AXIN1: variants seen among roughly 807,000 people sequenced by gnomAD.
AXIN1 encodes axin 1, also known as axin-1.
AXIN1 carries 30 observed loss-of-function variants against 76.4 expected under a neutral mutation model. That is an observed-to-expected ratio of 0.39 (90% confidence interval 0.29 to 0.53). The LOEUF (loss-of-function observed/expected upper bound fraction) is 0.53, where lower values mean the gene tolerates loss of function less well. Ranked by LOEUF, AXIN1 falls within the 20% of genes least tolerant of loss-of-function variation. AXIN1 has a pLI of 0.66. For missense variants in AXIN1, 1,140 were observed against 1,198.8 expected (o/e 0.95, Z 0.72); for synonymous variants, 545 against 501.4 (o/e 1.09, Z -1.16).
Position 309,990 on chromosome 16 carries a change from G to T in AXIN1, c.1099C>A (p.Pro367Thr), listed in dbSNP as rs1270638503. ...QESVQVNGRV[P>T]LPHIPRTYRV... Reference sequence around the variant, plus strand: ...GTACTTACGGGAATGTGAGGTAGGGGCACCCGCCCATTGACCTGCACGCTC... The same window carrying T: ...GTACTTACGGGAATGTGAGGTAGGGTCACCCGCCCATTGACCTGCACGCTC... Residue 367 changes from proline (P) to threonine (T), a missense_variant, in exon 4 of 11, where the codon CCC becomes ACC. Physicochemically the swap from Pro to Thr is conservative, Grantham distance 38. Coordinates refer to ENST00000262320, the MANE Select transcript of AXIN1 (RefSeq NM_003502.4). The T allele has an allele frequency of 1.2e-6, 2 of 1,613,354 alleles. No homozygotes were observed. The highest frequency in any genetic ancestry group is 1.7e-6 in the Non-Finnish European group (2 of 1,179,996).
At chr16:328,009 G>A (rs1351419442) in intron 2 of AXIN1, among the ~76,000 whole-genome samples, 1 of 152,226 alleles carries the variant, frequency 6.6e-6, no homozygotes, top group African/African-American at 2.4e-5. Context: ...AGCACTGTAG[G>A]AGGCTGAGGC....
chr16:320,446 G>C (rs1004241039), intron 2 of AXIN1, among the ~76,000 whole-genome samples: 1 of 151,968 alleles, frequency 6.6e-6, no homozygotes, highest in East Asian at 1.9e-4. Context: ...ACATAGGGGC[G>C]GATAAAATCT....
chr16:291,405 G>T lies in AXIN1; in HGVS notation c.2187-108C>A, dbSNP rs774622347. The T allele has an allele frequency of 2.5e-5, 23 of 930,910 alleles. 1 individual carries two copies. The highest frequency in any genetic ancestry group is 2.2e-5 in the Non-Finnish European group (13 of 596,400). 57.7% of individuals were successfully genotyped at this position (930,910 alleles called of 1,614,324 possible). ...GGGACGGACGGAGCGTGAAGGGCCC[G>T]AACAACCCACCCTGCGCAGGCTCCA... On this transcript the variant is annotated intron_variant, in intron 8 of 10. Transcript: ENST00000262320.
At chr16:315,865 C>A (rs2053290612) in intron 2 of AXIN1, among the ~76,000 whole-genome samples, 1 of 146,718 alleles carries the variant, frequency 6.8e-6, no homozygotes, top group Non-Finnish European at 1.5e-5. Flanking sequence ...ACAGCCTGAC[C>A]AACATGGTGA....
At chr16:307,055 G>A (rs534163986) in intron 4 of AXIN1, among the ~76,000 whole-genome samples, 188 of 152,384 alleles carry the variant, frequency 1.2e-3, no homozygotes, top group Non-Finnish European at 1.9e-3. Flanking sequence ...CGTGGGAGTG[G>A]CACACACAGG....
At chr16:332,211 A>C (rs1315996552) in intron 2 of AXIN1, among the ~76,000 whole-genome samples, 1 of 152,212 alleles carries the variant, frequency 6.6e-6, no homozygotes, top group Non-Finnish European at 1.5e-5. Flanking sequence ...GTCCAAGGAC[A>C]GTTTAGAGAA....
chr16:305,075 C>T (rs757313789), intron 4 of AXIN1, among the ~76,000 whole-genome samples: 2 of 152,200 alleles, frequency 1.3e-5, no homozygotes, highest in Non-Finnish European at 2.9e-5. Flanking sequence ...GAGACGCCTG[C>T]AGAAGGTGTG....
intron 2 of AXIN1, among the ~76,000 whole-genome samples, chr16:327,344 C>T (rs1309995399): frequency 6.6e-6 from 1 of 152,162 alleles, no homozygotes; most frequent in East Asian, 1.9e-4. Context: ...GGTGATTTCT[C>T]GGTCACTCAG....
intron 2 of AXIN1, among the ~76,000 whole-genome samples, chr16:344,304 C>A (rs983916179): frequency 3.3e-5 from 5 of 151,408 alleles, no homozygotes; most frequent in African/African-American, 1.2e-4. Context: ...GTGGCGGGCG[C>A]CTGTAGTCCC....
At chr16:341,399 G>A (rs925278089) in intron 2 of AXIN1, among the ~76,000 whole-genome samples, 7 of 152,272 alleles carry the variant, frequency 4.6e-5, no homozygotes, top group Non-Finnish European at 1.0e-4. Context: ...GAGGGGCTTA[G>A]CACCCGGGCC....
intron 1 of AXIN1, among the ~76,000 whole-genome samples, chr16:347,998 T>C (rs763781056): frequency 2.6e-5 from 4 of 152,266 alleles, no homozygotes; most frequent in Non-Finnish European, 4.4e-5. Flanking sequence ...CTATAGTTCA[T>C]GTGACTTCAC....
At chr16:288,384 C>T (rs955438900) in intron 10 of AXIN1, 136 bp from the exon 11 acceptor site, 20 of 1,309,230 alleles carry the variant, frequency 1.5e-5, no homozygotes, top group African/African-American at 5.8e-5. Flanking sequence ...ACTGCATGTG[C>T]GCCCCCTCCC....
intron 2 of AXIN1, among the ~76,000 whole-genome samples, chr16:343,317 G>C (rs1019517383): frequency 6.6e-6 from 1 of 152,240 alleles, no homozygotes. Context: ...GAGTGGCTGG[G>C]AGGGAGGCAC....
intron 2 of AXIN1, among the ~76,000 whole-genome samples, chr16:315,505 T>C (rs2053278979): frequency 6.6e-6 from 1 of 152,216 alleles, no homozygotes; most frequent in African/African-American, 2.4e-5. Context: ...CTCAGGTTGA[T>C]TTTGGTCAAA....
At position 293,677 on chromosome 16, in the gene AXIN1, C is replaced by G. The variant is rs762022168; in HGVS notation, c.1997G>C (p.Arg666Thr). The change falls in exon 8 of 11, where the codon AGA becomes ACA. Residue 666 changes from arginine (R) to threonine (T), a missense_variant. Physicochemically the swap from Arg to Thr is moderately conservative, Grantham distance 71. This residue lies in a region of AXIN1 where 429 missense variants were observed against 405.8 expected (regional missense o/e 1.06). Transcript: ENST00000262320. The surrounding 1 kb of genome is among the most constrained non-coding windows in gnomAD (Gnocchi z 4.6). Reference protein sequence around the residue: ...TRKPQPHENSRPLSLEHPWAG... With the variant: ...TRKPQPHENSTPLSLEHPWAG... ...CCAGGGGTGCTCAAGGGACAAGGGT[C>G]TGGAGTTCTCATGGGGCTGTGGCTT... 3 of 1,613,762 alleles carry G rather than the reference C, an allele frequency of 1.9e-6. No homozygotes were observed. The highest frequency in any genetic ancestry group is 1.3e-5 in the African/African-American group (1 of 75,020).
chr16:309,269 G>A (rs372247211), intron 4 of AXIN1, among the ~76,000 whole-genome samples: 15 of 150,654 alleles, frequency 1.0e-4, no homozygotes, highest in East Asian at 3.9e-4. Flanking sequence ...GGCAGAGCTT[G>A]CAGTGACAGC....
At chr16:300,281 A>G (rs923348447) in intron 5 of AXIN1, among the ~76,000 whole-genome samples, 4 of 151,564 alleles carry the variant, frequency 2.6e-5, no homozygotes, top group African/African-American at 9.7e-5. Flanking sequence ...CTCAACCTCC[A>G]GGGGTCAAGC....
At chr16:340,573 A>G (rs925255058) in intron 2 of AXIN1, among the ~76,000 whole-genome samples, 4 of 152,194 alleles carry the variant, frequency 2.6e-5, no homozygotes, top group Admixed American at 6.5e-5. Context: ...CCCAACACTC[A>G]GTCAACAGCA....
At chr16:304,502 G>T (rs1456074524) in intron 4 of AXIN1, 61 bp from the exon 5 acceptor site, 11 of 1,608,908 alleles carry the variant, frequency 6.8e-6, no homozygotes. Flanking sequence ...ACATTTCTTT[G>T]TGAAGGGAAA....
Sources: gnomAD v4.1 joint callset for allele counts (sites outside exome capture counted in the v4.1 genomes callset) on GRCh38, gnomAD v4.1.1 for gene constraint, gnomAD v4.1.1 regional missense constraint, Gnocchi (gnomAD v3.1) non-coding constraint, MANE v1.5 for transcripts, NCBI Gene and HGNC (gene_info 2026-07-23, HGNC 2026-07-21) for gene names.